The following BICC1 variants were observed in gnomAD, a reference collection of about 807,000 sequenced individuals.
BICC1 encodes the protein BicC family RNA binding protein 1, also known as protein bicaudal C homolog 1.
Under a neutral mutation model 111.0 loss-of-function variants are expected in BICC1, and 43 were observed. That is an observed-to-expected ratio of 0.39 (90% confidence interval 0.30 to 0.50). BICC1 has a LOEUF of 0.50. Ranked by LOEUF, BICC1 falls within the 20% of genes least tolerant of loss-of-function variation. BICC1 has a pLI of 0.88. For synonymous variants in BICC1, 467 were observed against 434.4 expected (o/e 1.07, Z -0.93); for missense variants, 1,091 against 1,203.2 (o/e 0.91, Z 1.38).
intron 1 of BICC1, among the ~76,000 whole-genome samples, chr10:58,535,709 G>A (rs2131867014): frequency 6.6e-6 from 1 of 151,706 alleles, no homozygotes; most frequent in Admixed American, 6.6e-5. Flanking sequence ...TCAACATTAT[G>A]ACTGGAATAG....
chr10:58,610,958 A>C (rs993179662), intron 1 of BICC1, among the ~76,000 whole-genome samples: 2 of 152,148 alleles, frequency 1.3e-5, no homozygotes, highest in African/African-American at 4.8e-5. Flanking sequence ...TCATTCTAGA[A>C]AGTACTAGGT....
At chr10:58,667,453 AG>A (rs58447381) in intron 2 of BICC1, among the ~76,000 whole-genome samples, 152,155 of 152,164 alleles carry the variant, frequency 1, 76,073 homozygotes, top group Middle Eastern at 1. Context: ...TTCTTAGGGA[AG>A]GTAGTTTTAA....
At chr10:58,618,462 ATGGCTTGCGCCTGGGT>A (rs1480613846) in intron 1 of BICC1, among the ~76,000 whole-genome samples, 2 of 152,222 alleles carry the variant, frequency 1.3e-5, no homozygotes, top group Non-Finnish European at 2.9e-5. Flanking sequence ...CGCTGTACAT[ATGGCTTGCGCCTGGGT>A]TGGCTCGCGC....
chr10:58,536,337 T>A (rs945223430), intron 1 of BICC1, among the ~76,000 whole-genome samples: 13 of 151,688 alleles, frequency 8.6e-5, no homozygotes, highest in African/African-American at 3.1e-4. Flanking sequence ...GCAAAACAAA[T>A]CTCAATAAAT....
rs1840409867 is a variant in BICC1 at position 58,707,189 on chromosome 10, C to T, written c.307+5046C>T. ...TTTATTGTTTTTGGTTACATTTTAT[C>T]AGAACAAGTAGGTATCTAATAGAAA... On this transcript the variant is annotated intron_variant, in intron 3 of 20. Coordinates refer to ENST00000373886, the MANE Select transcript of BICC1 (RefSeq NM_001080512.3). 2.0e-5 allele frequency among the ~76,000 whole-genome samples: 3 copies of T among 152,156 alleles called. No homozygotes were observed. The South Asian group carries it at 6.2e-4, about 32-fold the overall frequency.
intron 15 of BICC1, 29 bp downstream of exon 15, chr10:58,803,271 C>A: frequency 6.5e-7 from 1 of 1,549,276 alleles, no homozygotes; most frequent in Non-Finnish European, 8.7e-7. Flanking sequence ...GAAAGCCACT[C>A]AAATGTCATA....
At chr10:58,769,780 C>G (rs1842573141) in intron 3 of BICC1, among the ~76,000 whole-genome samples, 1 of 151,832 alleles carries the variant, frequency 6.6e-6, no homozygotes, top group Non-Finnish European at 1.5e-5. Context: ...ACTTTACTAC[C>G]TGTACCTTAT....
intron 1 of BICC1, among the ~76,000 whole-genome samples, chr10:58,544,987 A>G (rs756991007): frequency 6.6e-6 from 1 of 152,124 alleles, no homozygotes. Context: ...AGCTATCTAC[A>G]AGCCAATGAG....
chr10:58,732,793 CA>C (rs1841357208), intron 3 of BICC1, among the ~76,000 whole-genome samples: 1 of 151,896 alleles, frequency 6.6e-6, no homozygotes, highest in Admixed American at 6.6e-5. Context: ...CACACACACA[CA>C]AAATTGCTGT....
At chr10:58,519,618 T>G (rs1388457572) in intron 1 of BICC1, among the ~76,000 whole-genome samples, 1 of 152,082 alleles carries the variant, frequency 6.6e-6, no homozygotes, top group Non-Finnish European at 1.5e-5. Context: ...TTTTTTAAAT[T>G]ATAATTTTTT....
At chr10:58,804,167 G>A (rs562360356) in intron 15 of BICC1, among the ~76,000 whole-genome samples, 100 of 151,886 alleles carry the variant, frequency 6.6e-4, no homozygotes, top group African/African-American at 2.1e-3. Flanking sequence ...TAAGTTTTTC[G>A]ATGAATTTTT....
intron 2 of BICC1, among the ~76,000 whole-genome samples, chr10:58,643,235 A>C (rs1284419355): frequency 6.6e-6 from 1 of 152,212 alleles, no homozygotes; most frequent in East Asian, 1.9e-4. Flanking sequence ...TCGGGACAGA[A>C]GCATTCAAGA....
Position 58,789,415 on chromosome 10 carries a change from G to C in BICC1, c.754G>C (p.Val252Leu), listed in dbSNP as rs199893462. The C allele has an allele frequency of 6.2e-7, 1 of 1,614,082 alleles. No homozygotes were observed. Among genetic ancestry groups the C allele is most frequent in the Non-Finnish European group, 8.5e-7 (1 of 1,179,972 alleles). ...GCGTTCCCGAATGTATGGTGCTACTGTCATAGTACGAGGGTCTCAGAATAA... is the reference window on the plus strand; with the variant it reads ...GCGTTCCCGAATGTATGGTGCTACTCTCATAGTACGAGGGTCTCAGAATAA... ...KQRSRMYGAT[V>L]IVRGSQNNTS... Residue 252 changes from valine (V) to leucine (L), a missense_variant, in exon 7 of 21, where the codon GTC (valine) becomes CTC (leucine). By Grantham distance (32) the Val-to-Leu change is conservative. Coordinates refer to ENST00000373886, the MANE Select transcript of BICC1 (RefSeq NM_001080512.3).
At chr10:58,542,788 G>C (rs1843029098) in intron 1 of BICC1, among the ~76,000 whole-genome samples, 1 of 151,914 alleles carries the variant, frequency 6.6e-6, no homozygotes, top group Non-Finnish European at 1.5e-5. Context: ...TAATTGTTAA[G>C]GAAATGTAAC....
At chr10:58,648,857 C>T (rs1267508836) in intron 2 of BICC1, among the ~76,000 whole-genome samples, 1 of 152,114 alleles carries the variant, frequency 6.6e-6, no homozygotes, top group African/African-American at 2.4e-5. Context: ...TGAGTAGGAC[C>T]TTGCTTGTTA....
chr10:58,679,514 T>A (rs564383524), intron 2 of BICC1, among the ~76,000 whole-genome samples: 1 of 152,142 alleles, frequency 6.6e-6, no homozygotes, highest in South Asian at 2.1e-4. Flanking sequence ...AATAGACCAA[T>A]AACGAGTTCT....
chr10:58,759,161 T>C (rs1032744164), intron 3 of BICC1, among the ~76,000 whole-genome samples: 4 of 152,080 alleles, frequency 2.6e-5, no homozygotes, highest in African/African-American at 9.6e-5. Context: ...GGTTTTGTCA[T>C]GTTGGCCAGG....
intron 1 of BICC1, among the ~76,000 whole-genome samples, chr10:58,523,863 A>T (rs1260137529): frequency 6.6e-6 from 1 of 152,202 alleles, no homozygotes; most frequent in Non-Finnish European, 1.5e-5. Context: ...AAGTCTTAGG[A>T]TACAAAATGA....
At chr10:58,807,741 A>T (rs1843754409) in intron 17 of BICC1, among the ~76,000 whole-genome samples, 1 of 152,170 alleles carries the variant, frequency 6.6e-6, no homozygotes, top group East Asian at 1.9e-4. Context: ...TCCATACTCC[A>T]CAGCCAGGCT....
Sources: allele counts gnomAD v4.1 joint callset (sites outside exome capture counted in the v4.1 genomes callset), GRCh38; gene constraint gnomAD v4.1.1; transcripts MANE v1.5; gene names NCBI Gene and HGNC (gene_info 2026-07-23, HGNC 2026-07-21).